Variants in NIPBL observed in about 807,000 individuals in gnomAD.
NIPBL encodes the protein NIPBL cohesin loading factor.
NIPBL carries 19 observed loss-of-function variants against 321.8 expected under a neutral mutation model. The ratio of observed to expected loss-of-function variants is 0.06; its 90% CI spans 0.04 to 0.09. NIPBL has a LOEUF of 0.09. NIPBL is among the 10% of genes least tolerant of loss of function. The pLI is 1.00. For synonymous variants in NIPBL, 1,106 were observed against 1,114.1 expected (o/e 0.99, Z 0.14); for missense variants, 2,210 against 3,327.0 (o/e 0.66, Z 8.26).
intron 1 of NIPBL, among the ~76,000 whole-genome samples, chr5:36,911,605 A>G (rs951910428): frequency 2.6e-5 from 4 of 152,204 alleles, no homozygotes; most frequent in African/African-American, 9.7e-5. Context: ...CTCTTCCTAG[A>G]GCAGAGTACA....
chr5:36,943,010 C>G (rs892153708), intron 1 of NIPBL, among the ~76,000 whole-genome samples: 1 of 152,012 alleles, frequency 6.6e-6, no homozygotes, highest in African/African-American at 2.4e-5. Flanking sequence ...AAAAACCCTT[C>G]TATTACAGAA....
intron 34 of NIPBL, among the ~76,000 whole-genome samples, chr5:37,042,469 A>G (rs1213981241): frequency 1.3e-5 from 2 of 150,774 alleles, no homozygotes; most frequent in East Asian, 2.0e-4. Flanking sequence ...CCGGTAATCC[A>G]TTACTAACAA....
In NIPBL at chr5:36,986,111, A is replaced by G. The variant is rs587783913; in HGVS notation, c.2931A>G (p.Glu977=). Reference sequence around the variant, plus strand: ...TTACTCAGGAGACAAAGAAAATGGAAATGAAAGGAGAGCCGAAAGACAAAG... The same window carrying G: ...TTACTCAGGAGACAAAGAAAATGGAGATGAAAGGAGAGCCGAAAGACAAAG... ...GNVTQETKKM[E]MKGEPKDKVE... is the part of the protein sequence containing the mutation. The change falls in exon 10 of 47, where the codon GAA becomes GAG. Residue 977 remains glutamate (E), a synonymous_variant. Transcript: ENST00000282516. 1.1e-4 allele frequency: 178 copies of G among 1,613,850 alleles called. No individual in the cohort carries two copies. Among genetic ancestry groups the G allele is most frequent in the Non-Finnish European group, 1.4e-4 (171 of 1,179,924 alleles).
intron 11 of NIPBL, among the ~76,000 whole-genome samples, chr5:36,999,060 G>C (rs573698746): frequency 1.3e-5 from 2 of 152,276 alleles, no homozygotes; most frequent in South Asian, 4.1e-4. Flanking sequence ...GAAGAGTCCA[G>C]AACCAGAAAC....
At chr5:37,055,064 A>T (rs1030210938) in intron 42 of NIPBL, among the ~76,000 whole-genome samples, 3 of 152,200 alleles carry the variant, frequency 2.0e-5, no homozygotes, top group Admixed American at 2.0e-4. Context: ...AATGGATAGT[A>T]GAGGCTGGGT....
Position 36,877,134 on chromosome 5 carries a change from C to T in NIPBL, c.-124C>T, listed in dbSNP as rs1204245469. The T allele has an allele frequency of 2.4e-5, 8 of 327,258 alleles. No individual in the cohort carries two copies. The East Asian group carries it at 4.0e-4, about 17-fold the overall frequency. 20.3% of individuals were successfully genotyped at this position (327,258 alleles called of 1,614,324 possible). Reference sequence around the variant, plus strand: ...CGGCCCGGATTATAGTCTCTCGCCACAGCGGCCTCGGCCTCCCCTTGGATT... The same window carrying T: ...CGGCCCGGATTATAGTCTCTCGCCATAGCGGCCTCGGCCTCCCCTTGGATT... On this transcript the variant is annotated 5_prime_UTR_variant, in exon 1 of 47. Transcript: ENST00000282516.
In NIPBL at chr5:36,986,103, A is replaced by G; in HGVS notation, c.2923A>G (p.Lys975Glu). 6.2e-7 allele frequency: 1 copy of G among 1,614,018 alleles called. No homozygotes were observed. Among genetic ancestry groups the G allele is most frequent in the African/African-American group, 1.3e-5 (1 of 75,046 alleles). ...KDGNVTQETK[K>E]MEMKGEPKDK... ...TGGCAATGTTACTCAGGAGACAAAG[A>G]AAATGGAAATGAAAGGAGAGCCGAA... Residue 975 changes from lysine to glutamate, a missense_variant, in exon 10 of 47, where the codon AAA (lysine) becomes GAA (glutamate). By Grantham distance (56) the Lys-to-Glu change is moderately conservative. Around this residue, in one of 14 missense-constraint regions of NIPBL, gnomAD observed 588 missense variants for 564.1 expected, o/e 1.04. Transcript: ENST00000282516.
chr5:36,905,316 A>T (rs1747549287), intron 1 of NIPBL, among the ~76,000 whole-genome samples: 1 of 152,150 alleles, frequency 6.6e-6, no homozygotes, highest in African/African-American at 2.4e-5. Flanking sequence ...GTTGGTTCTG[A>T]CGCAGGAGTT....
intron 9 of NIPBL, among the ~76,000 whole-genome samples, chr5:36,978,713 T>C (rs531773751): frequency 6.6e-6 from 1 of 152,152 alleles, no homozygotes; most frequent in South Asian, 2.1e-4. Context: ...AGGATTTTTA[T>C]TGTTTGAGGT....
chr5:37,036,552 G>A, intron 33 of NIPBL, 65 bp downstream of exon 33: 2 of 647,666 alleles, frequency 3.1e-6, no homozygotes, highest in Non-Finnish European at 4.7e-6. Context: ...AATATTTTGA[G>A]TAAATTTCTC....
At chr5:36,986,412 A>G (rs955748812) in intron 10 of NIPBL, 111 bp downstream of exon 10, 3 of 731,470 alleles carry the variant, frequency 4.1e-6, no homozygotes, top group Non-Finnish European at 5.9e-6. Flanking sequence ...ACATGAAAAT[A>G]TAACATTTAT....
At chr5:37,048,360 G>C in intron 38 of NIPBL, 142 bp from the exon 39 acceptor site, 1 of 393,300 alleles carries the variant, frequency 2.5e-6, no homozygotes, top group Non-Finnish European at 4.3e-6. Flanking sequence ...TCTAGGTAAG[G>C]CCACCAGCAT....
intron 32 of NIPBL, among the ~76,000 whole-genome samples, chr5:37,034,625 A>T (rs1561191263): frequency 6.6e-6 from 1 of 152,236 alleles, no homozygotes; most frequent in Non-Finnish European, 1.5e-5. Flanking sequence ...AGAAGACTAC[A>T]TCAAGTATAC....
intron 21 of NIPBL, among the ~76,000 whole-genome samples, chr5:37,013,239 C>G (rs1486916658): frequency 1.3e-4 from 17 of 129,992 alleles, no homozygotes; most frequent in African/African-American, 4.7e-4. Context: ...TCCCAGTAGG[C>G]GCGGCCGGGC....
At chr5:36,968,095 C>CAAAAAAAAAAAAAAAA (rs1194609840) in intron 6 of NIPBL, among the ~76,000 whole-genome samples, 2 of 54,182 alleles carry the variant, frequency 3.7e-5, no homozygotes, top group East Asian at 4.8e-4. Context: ...GACTCTGTCT[C>CAAAAAAAAAAAAAAAA]AAAAAAAAAA....
intron 1 of NIPBL, among the ~76,000 whole-genome samples, chr5:36,919,478 C>G (rs780883385): frequency 5.3e-5 from 8 of 152,024 alleles, no homozygotes; most frequent in Non-Finnish European, 1.0e-4. Flanking sequence ...GGACTACCGG[C>G]ATGTACCACT....
chr5:36,896,078 C>G (rs1448131906), intron 1 of NIPBL, among the ~76,000 whole-genome samples: 2 of 152,174 alleles, frequency 1.3e-5, no homozygotes, highest in Non-Finnish European at 2.9e-5. Context: ...ACATTTAATA[C>G]TCTGATCCAT....
chr5:36,881,133 A>G (rs754640674), intron 1 of NIPBL, among the ~76,000 whole-genome samples: 1 of 151,998 alleles, frequency 6.6e-6, no homozygotes, highest in Non-Finnish European at 1.5e-5. Flanking sequence ...TGGTATGAAA[A>G]TAGAGTGGGA....
At chr5:36,880,768 TCG>T (rs1303369536) in intron 1 of NIPBL, among the ~76,000 whole-genome samples, 1 of 152,062 alleles carries the variant, frequency 6.6e-6, no homozygotes, top group Non-Finnish European at 1.5e-5. Flanking sequence ...TAATAATTCT[TCG>T]TATTTTAAAA....
Sources: gnomAD v4.1 joint callset for allele counts (sites outside exome capture counted in the v4.1 genomes callset) on GRCh38, gnomAD v4.1.1 for gene constraint, gnomAD v4.1.1 regional missense constraint, MANE v1.5 for transcripts, NCBI Gene and HGNC (gene_info 2026-07-23, HGNC 2026-07-21) for gene names.